SLC24A2: variants seen among roughly 807,000 people sequenced by gnomAD.
SLC24A2 encodes the protein sodium/potassium/calcium exchanger 2.
In SLC24A2, 36 loss-of-function variants were observed where a neutral mutation model predicts 62.0. That is an observed-to-expected ratio of 0.58 (90% confidence interval 0.44 to 0.77). SLC24A2 has a LOEUF of 0.77. Ranked by LOEUF, SLC24A2 falls within the 30% of genes least tolerant of loss-of-function variation. The probability of loss-of-function intolerance (pLI) is 0.00; values close to 1 mark genes in which losing one functional copy is unlikely to be tolerated. For missense variants in SLC24A2, 846 were observed against 817.9 expected (o/e 1.03, Z -0.42); for synonymous variants, 358 against 294.0 (o/e 1.22, Z -2.23).
chr9:20,274,442 A>G, the SLC24A2 span, among the ~76,000 whole-genome samples: 1 of 152,180 alleles, frequency 6.6e-6, no homozygotes, highest in Non-Finnish European at 1.5e-5. Flanking sequence ...TCCTGATCCA[A>G]TTAATATTTC....
At chr9:20,261,756 T>TTTTG in the SLC24A2 span, among the ~76,000 whole-genome samples, 1 of 147,032 alleles carries the variant, frequency 6.8e-6, no homozygotes. Flanking sequence ...TTTTTTTTTT[T>TTTTG]TGAGACTGAG....
rs1187505830 is a variant in SLC24A2 at position 19,512,705 on chromosome 9, TAAATG to T, written c.*3443_*3447del. On this transcript the variant is annotated 3_prime_UTR_variant, in exon 11 of 11. Coordinates refer to ENST00000341998, the MANE Select transcript of SLC24A2 (RefSeq NM_020344.4). ...CAAGACCTGCTCGGTTTGCTGTGAA[TAAATG>T]AAATCATTTGCGTGCAACTCATTTA... 5.3e-5 allele frequency: 8 copies of T among 152,358 alleles called. No individual in the cohort carries two copies. Among genetic ancestry groups the T allele is most frequent in the African/African-American group, 1.9e-4 (8 of 41,580 alleles). The allele number at this position is 152,358 out of a possible 1,614,324, so 9.4% of individuals were successfully genotyped here. A position where few individuals can be genotyped will look rare whatever the true frequency, so the allele number is the denominator to read the frequency against.
chr9:20,091,466 C>A, the SLC24A2 span, among the ~76,000 whole-genome samples: 3 of 152,002 alleles, frequency 2.0e-5, no homozygotes, highest in Admixed American at 1.3e-4. Flanking sequence ...GCCAAGTCAC[C>A]TATAAAGGAA....
the SLC24A2 span, among the ~76,000 whole-genome samples, chr9:20,046,556 G>C: frequency 6.6e-6 from 1 of 152,306 alleles, no homozygotes; most frequent in East Asian, 1.9e-4. Flanking sequence ...TGCTATCCAG[G>C]ATTTACTTGG....
intron 2 of SLC24A2, among the ~76,000 whole-genome samples, chr9:19,712,827 C>A (rs1587201422): frequency 1.3e-5 from 2 of 152,260 alleles, no homozygotes; most frequent in East Asian, 3.9e-4. Context: ...CTGCCCTCTG[C>A]AGCATAGGGT....
At chr9:19,972,967 G>T in the SLC24A2 span, among the ~76,000 whole-genome samples, 1 of 152,126 alleles carries the variant, frequency 6.6e-6, no homozygotes, top group Non-Finnish European at 1.5e-5. Context: ...CATCTTTTGG[G>T]GGGTGGGAAG....
the SLC24A2 span, among the ~76,000 whole-genome samples, chr9:20,022,161 C>A: frequency 6.6e-6 from 1 of 152,198 alleles, no homozygotes; most frequent in Non-Finnish European, 1.5e-5. Context: ...GAAATGTCTT[C>A]TCTCTCCCTC....
rs114381263 is a variant in SLC24A2 at position 19,651,685 on chromosome 9, C to A, written c.931-29386G>T. 8.1e-3 allele frequency among the ~76,000 whole-genome samples: 1,233 copies of A among 152,272 alleles called. 18 individuals carry two copies. The highest frequency in any genetic ancestry group is 0.028 in the African/African-American group (1,163 of 41,538). ...AACAAAAACATACCGCTGCCAGAAA[C>A]CCTAGAGATAATATAACCAATGCCT... On this transcript the variant is annotated intron_variant, in intron 2 of 10. Transcript: ENST00000341998.
intron 2 of SLC24A2, among the ~76,000 whole-genome samples, chr9:19,666,820 T>TA (rs1819268665): frequency 6.6e-6 from 1 of 152,186 alleles, no homozygotes; most frequent in South Asian, 2.1e-4. Flanking sequence ...TTTCAGATGG[T>TA]AAACTGCTTC....
At chr9:19,877,985 G>C in the SLC24A2 span, among the ~76,000 whole-genome samples, 1 of 152,070 alleles carries the variant, frequency 6.6e-6, no homozygotes, top group South Asian at 2.1e-4. Flanking sequence ...AGGCTTGGGG[G>C]TAACACCAGA....
At chr9:20,180,532 A>C in the SLC24A2 span, among the ~76,000 whole-genome samples, 1 of 152,152 alleles carries the variant, frequency 6.6e-6, no homozygotes, top group South Asian at 2.1e-4. Flanking sequence ...TGTCTTTCCT[A>C]CTACTTTTGA....
the SLC24A2 span, among the ~76,000 whole-genome samples, chr9:19,876,670 T>C: frequency 6.6e-6 from 1 of 152,156 alleles, no homozygotes; most frequent in Non-Finnish European, 1.5e-5. Context: ...ATGAAAGATG[T>C]TTTTATTACA....
the SLC24A2 span, among the ~76,000 whole-genome samples, chr9:19,871,359 T>C: frequency 2.1e-4 from 32 of 152,332 alleles, no homozygotes; most frequent in South Asian, 6.0e-3. Context: ...GATGGTACTT[T>C]GGGTTTGTTT....
intron 2 of SLC24A2, among the ~76,000 whole-genome samples, chr9:19,688,529 A>T (rs771887399): frequency 6.6e-6 from 1 of 151,840 alleles, no homozygotes; most frequent in Non-Finnish European, 1.5e-5. Context: ...AAAGAGTTGC[A>T]TAGAAGAAAA....
intron 2 of SLC24A2, among the ~76,000 whole-genome samples, chr9:19,722,947 T>C (rs955114783): frequency 6.6e-6 from 1 of 152,140 alleles, no homozygotes; most frequent in Non-Finnish European, 1.5e-5. Context: ...CTTGTCCTAA[T>C]AGAATCTGGA....
the SLC24A2 span, among the ~76,000 whole-genome samples, chr9:20,195,808 C>CA: frequency 4.7e-5 from 7 of 148,624 alleles, no homozygotes; most frequent in South Asian, 2.2e-4. Context: ...ATTAAAATAA[C>CA]AAAAAAACCT....
chr9:19,631,346 A>T (rs1818173467), intron 2 of SLC24A2, among the ~76,000 whole-genome samples: 1 of 152,128 alleles, frequency 6.6e-6, no homozygotes, highest in African/African-American at 2.4e-5. Context: ...TTCTTGAATC[A>T]GTCTCCTCCC....
chr9:19,864,380 A>G, the SLC24A2 span, among the ~76,000 whole-genome samples: 1 of 151,960 alleles, frequency 6.6e-6, no homozygotes, highest in African/African-American at 2.4e-5. Flanking sequence ...AAAAAAAACA[A>G]CAACAAAAAA....
chr9:20,172,533 C>G, the SLC24A2 span, among the ~76,000 whole-genome samples: 1 of 151,946 alleles, frequency 6.6e-6, no homozygotes, highest in Non-Finnish European at 1.5e-5. Context: ...ACTGACACCA[C>G]AGAAATACAA....
Sources: allele counts gnomAD v4.1 joint callset (sites outside exome capture counted in the v4.1 genomes callset), GRCh38; gene constraint gnomAD v4.1.1; transcripts MANE v1.5; gene names NCBI Gene and HGNC (gene_info 2026-07-23, HGNC 2026-07-21).